XKR9: variants seen among roughly 807,000 people sequenced by gnomAD.
XKR9 encodes the protein XK-related protein 9.
Under a neutral mutation model 32.0 loss-of-function variants are expected in XKR9, and 32 were observed. That is an observed-to-expected ratio of 1.00 (90% CI 0.76 to 1.34). The LOEUF (loss-of-function observed/expected upper bound fraction) is 1.34, where lower values mean the gene tolerates loss of function less well. Ranked by LOEUF, XKR9 falls within the 40% of genes most tolerant of loss-of-function variation. The probability of loss-of-function intolerance (pLI) is 0.00; values close to 1 mark genes in which losing one functional copy is unlikely to be tolerated. For missense variants in XKR9, 546 were observed against 429.7 expected (o/e 1.27, Z -2.39); for synonymous variants, 168 against 143.4 (o/e 1.17, Z -1.22).
chr8:70,749,369 G>A (rs554457105), intron 2 of XKR9, among the ~76,000 whole-genome samples: 1 of 152,356 alleles, frequency 6.6e-6, no homozygotes, highest in East Asian at 1.9e-4. Context: ...GGCTCCCCAA[G>A]CCAGGGCTGT....
intron 2 of XKR9, among the ~76,000 whole-genome samples, chr8:70,779,657 T>A (rs1163729487): frequency 6.6e-6 from 1 of 152,228 alleles, no homozygotes; most frequent in Non-Finnish European, 1.5e-5. Flanking sequence ...ATTCAGAGAT[T>A]TGACTTCTTC....
At chr8:70,872,003 A>C in the XKR9 span, among the ~76,000 whole-genome samples, 1 of 152,232 alleles carries the variant, frequency 6.6e-6, no homozygotes, top group Non-Finnish European at 1.5e-5. Flanking sequence ...TGCAATATGC[A>C]CATCATTGCT....
At chr8:70,715,013 C>T (rs571591451) in intron 4 of XKR9, among the ~76,000 whole-genome samples, 7 of 152,112 alleles carry the variant, frequency 4.6e-5, no homozygotes, top group African/African-American at 1.7e-4. Context: ...ATGTTAGAAG[C>T]AGGTAGGAAA....
chr8:70,838,606 A>T, the XKR9 span, among the ~76,000 whole-genome samples: 1 of 152,092 alleles, frequency 6.6e-6, no homozygotes, highest in Non-Finnish European at 1.5e-5. Flanking sequence ...GCTCAATTTC[A>T]TACACTCAAT....
chr8:70,712,968 G>GA (rs904392838), intron 4 of XKR9, among the ~76,000 whole-genome samples: 5 of 151,526 alleles, frequency 3.3e-5, no homozygotes, highest in East Asian at 1.9e-4. Context: ...GAGGAAATAG[G>GA]AAAAAAAATC....
At chr8:70,832,621 A>G in the XKR9 span, among the ~76,000 whole-genome samples, 1 of 152,166 alleles carries the variant, frequency 6.6e-6, no homozygotes, top group East Asian at 1.9e-4. Context: ...ATTCTTATTA[A>G]TATTACTAGA....
At chr8:70,759,418 G>T (rs997501955) in intron 2 of XKR9, among the ~76,000 whole-genome samples, 7 of 152,128 alleles carry the variant, frequency 4.6e-5, no homozygotes, top group African/African-American at 1.7e-4. Context: ...ATATAGTTTA[G>T]TTACTGCATG....
chr8:70,786,176 C>A (rs1807686502), intron 2 of XKR9, among the ~76,000 whole-genome samples: 1 of 152,064 alleles, frequency 6.6e-6, no homozygotes. Context: ...TATGCTGAGG[C>A]TTGTTTTGTG....
chr8:70,738,984 G>A (rs1294363942), downstream of XKR9, among the ~76,000 whole-genome samples: 2 of 152,146 alleles, frequency 1.3e-5, no homozygotes, highest in Admixed American at 1.3e-4. Context: ...TGTCTATTAG[G>A]TCCGCTTGGT....
chr8:70,956,976 G>A, the XKR9 span, among the ~76,000 whole-genome samples: 3 of 149,186 alleles, frequency 2.0e-5, no homozygotes, highest in Admixed American at 6.6e-5. Context: ...AACTCGATAG[G>A]GGGGCAGGAC....
the XKR9 span, among the ~76,000 whole-genome samples, chr8:70,900,382 G>C: frequency 6.6e-6 from 1 of 152,026 alleles, no homozygotes; most frequent in African/African-American, 2.4e-5. Flanking sequence ...TTGAGGTCAG[G>C]AGTTCAAGAC....
intron 2 of XKR9, among the ~76,000 whole-genome samples, chr8:70,751,582 G>T (rs1472503294): frequency 6.6e-6 from 1 of 152,146 alleles, no homozygotes; most frequent in Non-Finnish European, 1.5e-5. Context: ...CACCCAATAT[G>T]GGTAGGTACC....
chr8:70,860,170 T>C, the XKR9 span, among the ~76,000 whole-genome samples: 1 of 152,160 alleles, frequency 6.6e-6, no homozygotes, highest in Non-Finnish European at 1.5e-5. Context: ...TGAATGTTGG[T>C]GTCCTCTCAA....
chr8:70,876,362 C>T, the XKR9 span, among the ~76,000 whole-genome samples: 4 of 151,780 alleles, frequency 2.6e-5, no homozygotes, highest in African/African-American at 4.8e-5. Context: ...CAGGTGTGCA[C>T]CACCACCCCC....
the XKR9 span, among the ~76,000 whole-genome samples, chr8:70,811,239 C>G: frequency 6.6e-6 from 1 of 151,990 alleles, no homozygotes; most frequent in East Asian, 1.9e-4. Flanking sequence ...TCTTTGAAAC[C>G]AATGAGAACA....
At chr8:71,021,836 A>G in the XKR9 span, among the ~76,000 whole-genome samples, 1 of 152,124 alleles carries the variant, frequency 6.6e-6, no homozygotes, top group Non-Finnish European at 1.5e-5. Context: ...GAAGCTCTTC[A>G]GTTTAATTCT....
At chr8:70,973,253 G>T in the XKR9 span, among the ~76,000 whole-genome samples, 1 of 151,220 alleles carries the variant, frequency 6.6e-6, no homozygotes, top group Non-Finnish European at 1.5e-5. Context: ...TGTATGTAAA[G>T]GTGTTCATAG....
downstream of XKR9, among the ~76,000 whole-genome samples, chr8:70,738,922 G>A (rs1806912680): frequency 6.6e-6 from 1 of 152,154 alleles, no homozygotes; most frequent in Admixed American, 6.5e-5. Context: ...GGTGTGGTGT[G>A]GTACTGAAAG....
chr8:70,921,870 A>C, the XKR9 span, among the ~76,000 whole-genome samples: 4 of 152,162 alleles, frequency 2.6e-5, no homozygotes, highest in African/African-American at 9.7e-5. Flanking sequence ...TCTAATCTCC[A>C]GAAATTGGGC....
Sources: allele counts gnomAD v4.1 joint callset (sites outside exome capture counted in the v4.1 genomes callset), GRCh38; gene constraint gnomAD v4.1.1; transcripts MANE v1.5; gene names NCBI Gene and HGNC (gene_info 2026-07-23, HGNC 2026-07-21).